Variants in DAAM1 observed in about 807,000 individuals in gnomAD.
The protein encoded by DAAM1 is disheveled-associated activator of morphogenesis 1.
DAAM1 carries 52 observed loss-of-function variants against 130.0 expected under a neutral mutation model. The ratio of observed to expected loss-of-function variants is 0.40; its 90% CI spans 0.32 to 0.50. DAAM1 has a LOEUF of 0.50. DAAM1 is among the 20% of genes least tolerant of loss of function. The pLI, the probability that DAAM1 is intolerant of heterozygous loss-of-function variation, is 0.61. For synonymous variants in DAAM1, 452 were observed against 444.5 expected, an observed-to-expected ratio of 1.02 and a Z score of -0.21; for missense variants, 1,134 against 1,303.8, an observed-to-expected ratio of 0.87 and a Z score of 2.01.
chr14:59,348,972 C>T (rs930760229), intron 17 of DAAM1, among the ~76,000 whole-genome samples: 1 of 152,186 alleles, frequency 6.6e-6, no homozygotes, highest in African/African-American at 2.4e-5. Flanking sequence ...TGATTATGTT[C>T]TCAAGTCTCT....
At chr14:59,352,475 C>T in intron 17 of DAAM1, 51 bp from the exon 18 acceptor site, 8 of 1,424,762 alleles carry the variant, frequency 5.6e-6, no homozygotes, top group Non-Finnish European at 7.8e-6. Flanking sequence ...AAAATTACTA[C>T]ATGGATTTAA....
At chr14:59,206,284 TA>T (rs1379250851) in intron 1 of DAAM1, among the ~76,000 whole-genome samples, 6 of 152,158 alleles carry the variant, frequency 3.9e-5, no homozygotes, top group Admixed American at 2.0e-4. Context: ...TATTTTATTT[TA>T]TTTTTTTTGA....
chr14:59,287,384 T>G (rs1883509272), intron 2 of DAAM1, among the ~76,000 whole-genome samples: 1 of 152,196 alleles, frequency 6.6e-6, no homozygotes, highest in Non-Finnish European at 1.5e-5. Context: ...AAGACAAGTA[T>G]GCCCATTCTC....
chr14:59,271,206 G>A (rs1438738786), intron 2 of DAAM1, among the ~76,000 whole-genome samples: 1 of 152,042 alleles, frequency 6.6e-6, no homozygotes, highest in Non-Finnish European at 1.5e-5. Context: ...ATAGAGTGCT[G>A]TGCCTTCCAG....
intron 19 of DAAM1, among the ~76,000 whole-genome samples, chr14:59,354,441 T>G (rs555036009): frequency 6.6e-6 from 1 of 152,192 alleles, no homozygotes; most frequent in African/African-American, 2.4e-5. Flanking sequence ...CAGTGCTTGA[T>G]GCACTGCCCT....
intron 2 of DAAM1, among the ~76,000 whole-genome samples, chr14:59,277,480 A>G (rs1377306693): frequency 6.6e-6 from 1 of 151,274 alleles, no homozygotes; most frequent in South Asian, 2.1e-4. Flanking sequence ...TTAATAATAA[A>G]AAAAAATCTT....
chr14:59,288,157 A>T (rs1371616969), intron 2 of DAAM1, among the ~76,000 whole-genome samples: 1 of 152,216 alleles, frequency 6.6e-6, no homozygotes, highest in Non-Finnish European at 1.5e-5. Flanking sequence ...AGTTGACAAT[A>T]ACAAACAGTA....
chr14:59,196,514 C>A (rs891364981), intron 1 of DAAM1, among the ~76,000 whole-genome samples: 1 of 152,122 alleles, frequency 6.6e-6, no homozygotes, highest in East Asian at 1.9e-4. Flanking sequence ...GAGGACGAGG[C>A]GGGCATATCA....
At chr14:59,233,176 A>G (rs1236561351) in intron 1 of DAAM1, among the ~76,000 whole-genome samples, 3 of 152,200 alleles carry the variant, frequency 2.0e-5, no homozygotes, top group Non-Finnish European at 4.4e-5. Context: ...GCTGGGTCAA[A>G]TGGTATTTCT....
intron 15 of DAAM1, chr14:59,338,488 T>C: frequency 6.5e-7 from 1 of 1,550,180 alleles, no homozygotes; most frequent in East Asian, 2.3e-5. Flanking sequence ...CTCTTCGTTA[T>C]CCAGGGTTTT....
intron 2 of DAAM1, among the ~76,000 whole-genome samples, chr14:59,285,498 A>G (rs1883405092): frequency 6.6e-6 from 1 of 152,182 alleles, no homozygotes; most frequent in Non-Finnish European, 1.5e-5. Flanking sequence ...AGCAATTTGG[A>G]TAAAGAAGCA....
In DAAM1 at chr14:59,368,897, A is replaced by C. The variant is rs1233630320; in HGVS notation, c.*38A>C. The C allele has an allele frequency of 2.5e-6, 4 of 1,586,152 alleles. No individual in the cohort carries two copies. The highest frequency in any genetic ancestry group is 1.4e-5 in the African/African-American group (1 of 73,636). ...ACTTTTTTTTAGAAAGCTCATTAGC[A>C]GCCCTCTAAAGTGACTAGAACGTTT... is the stretch of plus-strand genomic sequence containing the variant. On this transcript the variant is annotated 3_prime_UTR_variant, in exon 25 of 25. Transcript: ENST00000360909.
Position 59,331,456 on chromosome 14 carries a change from T to C in DAAM1, c.1808T>C (p.Ile603Thr). The change falls in exon 14 of 25, where the codon ATT becomes ACT. Residue 603 changes from isoleucine to threonine, a missense_variant. By Grantham distance (89) the Ile-to-Thr change is moderately conservative. Transcript: ENST00000360909. Reference sequence around the variant, plus strand: ...GGCCTAGCACTGAAGAAGAAAAGCATTCCTCAGCCCACAAATGCCCTGAAA... The same window carrying C: ...GGCCTAGCACTGAAGAAGAAAAGCACTCCTCAGCCCACAAATGCCCTGAAA... ...PMGLALKKKS[I>T]PQPTNALKSF... The C allele has an allele frequency of 2.5e-6, 4 of 1,613,208 alleles. No individual in the cohort carries two copies. Among genetic ancestry groups the C allele is most frequent in the Non-Finnish European group, 3.4e-6 (4 of 1,179,552 alleles).
At chr14:59,293,084 A>T (rs1348326565) in intron 3 of DAAM1, among the ~76,000 whole-genome samples, 1 of 152,208 alleles carries the variant, frequency 6.6e-6, no homozygotes, top group Non-Finnish European at 1.5e-5. Flanking sequence ...GAAATCCTCA[A>T]GTTGCGGGTA....
At chr14:59,311,270 G>T (rs1429370284) in intron 3 of DAAM1, among the ~76,000 whole-genome samples, 1 of 152,108 alleles carries the variant, frequency 6.6e-6, no homozygotes, top group Non-Finnish European at 1.5e-5. Context: ...AGCTGATATT[G>T]ACATTATGGT....
At chr14:59,239,567 C>T (rs1889414040) in intron 1 of DAAM1, among the ~76,000 whole-genome samples, 1 of 152,134 alleles carries the variant, frequency 6.6e-6, no homozygotes, top group Admixed American at 6.5e-5. Flanking sequence ...TTGACAAATT[C>T]AATGGTAGAA....
intron 1 of DAAM1, among the ~76,000 whole-genome samples, chr14:59,200,641 A>G (rs892058648): frequency 6.6e-6 from 1 of 152,214 alleles, no homozygotes; most frequent in Non-Finnish European, 1.5e-5. Flanking sequence ...TGCAAAGATA[A>G]TGCTTAAGGA....
chr14:59,310,344 G>T (rs985930205), intron 3 of DAAM1, among the ~76,000 whole-genome samples: 3 of 151,752 alleles, frequency 2.0e-5, no homozygotes, highest in African/African-American at 7.3e-5. Flanking sequence ...TATTGGCCAG[G>T]CTGGTATCGA....
intron 3 of DAAM1, among the ~76,000 whole-genome samples, chr14:59,306,687 C>CTT (rs138532767): frequency 4.1e-5 from 6 of 144,782 alleles, no homozygotes; most frequent in African/African-American, 1.5e-4. Context: ...GAGTTCACAG[C>CTT]TTTTTTTTTT....
Sources: allele counts gnomAD v4.1 joint callset (sites outside exome capture counted in the v4.1 genomes callset), GRCh38; gene constraint gnomAD v4.1.1; transcripts MANE v1.5; gene names NCBI Gene and HGNC (gene_info 2026-07-23, HGNC 2026-07-21).